Variants in PIK3CB observed in about 807,000 individuals in gnomAD.
PIK3CB encodes phosphatidylinositol 4,5-bisphosphate 3-kinase catalytic subunit beta isoform.
A neutral mutation model predicts 136.8 loss-of-function variants in PIK3CB; 39 were observed. The observed-to-expected ratio is 0.29, with a 90% CI of 0.22 to 0.37. PIK3CB has a LOEUF of 0.37. Ranked by LOEUF, PIK3CB falls within the 10% of genes least tolerant of loss-of-function variation. PIK3CB has a pLI of 1.00. For missense variants in PIK3CB, 868 were observed against 1,275.4 expected (o/e 0.68, Z 4.87); for synonymous variants, 428 against 436.6 (o/e 0.98, Z 0.25).
chr3:138,815,420 T>A (rs1576429447), intron 1 of PIK3CB, among the ~76,000 whole-genome samples: 1 of 100,226 alleles, frequency 1.0e-5, no homozygotes, highest in Admixed American at 1.3e-4. Flanking sequence ...TAATGCCTGG[T>A]GTTACAAAAG....
At chr3:138,738,323 C>G (rs1335550342) in intron 5 of PIK3CB, among the ~76,000 whole-genome samples, 1 of 152,050 alleles carries the variant, frequency 6.6e-6, no homozygotes, top group Non-Finnish European at 1.5e-5. Context: ...AGGCGTGCAC[C>G]ACCACGCCTG....
chr3:138,778,327 C>T (rs1246207161), intron 2 of PIK3CB: 2 of 342,660 alleles, frequency 5.8e-6, no homozygotes, highest in South Asian at 4.5e-5. Flanking sequence ...ACAACTTTGG[C>T]ATCATGGGAG....
intron 4 of PIK3CB, among the ~76,000 whole-genome samples, chr3:138,754,493 T>C (rs1376501137): frequency 2.6e-5 from 4 of 152,140 alleles, no homozygotes; most frequent in African/African-American, 9.7e-5. Context: ...CACACCTTTG[T>C]AGCTCTAGAA....
intron 1 of PIK3CB, among the ~76,000 whole-genome samples, chr3:138,804,460 A>T (rs1274983864): frequency 6.6e-6 from 1 of 152,128 alleles, no homozygotes; most frequent in African/African-American, 2.4e-5. Flanking sequence ...GGCTGCAGTG[A>T]GCCATGATCA....
At chr3:138,816,611 TAAATAAATAAATAAATATAA>T (rs911064740) in intron 1 of PIK3CB, among the ~76,000 whole-genome samples, 1 of 149,994 alleles carries the variant, frequency 6.7e-6, no homozygotes, top group Admixed American at 6.6e-5. Flanking sequence ...AATAAATAAA[TAAATAAATAAATAAATATAA>T]ATTAAAAAAT....
chr3:138,730,140 C>T (rs2044938977), intron 8 of PIK3CB, among the ~76,000 whole-genome samples: 2 of 152,114 alleles, frequency 1.3e-5, no homozygotes, highest in Non-Finnish European at 2.9e-5. Flanking sequence ...AAGAGAACTA[C>T]AGTGCTAGGT....
chr3:138,827,832 A>G (rs1933851597), intron 1 of PIK3CB, among the ~76,000 whole-genome samples: 1 of 151,644 alleles, frequency 6.6e-6, no homozygotes, highest in Non-Finnish European at 1.5e-5. Flanking sequence ...ATACAAAAAA[A>G]AAAAAAATTA....
chr3:138,795,022 A>T (rs866201084), intron 2 of PIK3CB, among the ~76,000 whole-genome samples: 1 of 151,196 alleles, frequency 6.6e-6, no homozygotes, highest in Admixed American at 6.6e-5. Context: ...CCATTTTCTT[A>T]AAAAAAAATT....
At chr3:138,789,735 C>A (rs2046027279) in intron 2 of PIK3CB, among the ~76,000 whole-genome samples, 1 of 151,542 alleles carries the variant, frequency 6.6e-6, no homozygotes, top group East Asian at 1.9e-4. Flanking sequence ...CTCTCTGTCG[C>A]CAGGCTGGAG....
chr3:138,815,122 AGAGC>A (rs1340857145), intron 1 of PIK3CB, among the ~76,000 whole-genome samples: 1 of 135,194 alleles, frequency 7.4e-6, no homozygotes, highest in Non-Finnish European at 1.5e-5. Flanking sequence ...CCTGGGCAAC[AGAGC>A]GAGACTCCGT....
At chr3:138,672,780 T>G (rs2043560542) in intron 19 of PIK3CB, among the ~76,000 whole-genome samples, 1 of 151,594 alleles carries the variant, frequency 6.6e-6, no homozygotes. Flanking sequence ...GGCGTGGTGG[T>G]GGGTTCCTGT....
At chr3:138,715,270 T>C (rs2108586247) in intron 8 of PIK3CB, among the ~76,000 whole-genome samples, 1 of 152,346 alleles carries the variant, frequency 6.6e-6, no homozygotes, top group East Asian at 1.9e-4. Context: ...TGTTTTTCCC[T>C]AAAGGCCTGG....
intron 1 of PIK3CB, chr3:138,825,655 C>T: frequency 1.6e-6 from 1 of 643,292 alleles, no homozygotes; most frequent in Non-Finnish European, 2.8e-6. Flanking sequence ...CATCCTACCA[C>T]TAACTCATCC....
At chr3:138,660,016 G>A (rs1577038465) in intron 21 of PIK3CB, among the ~76,000 whole-genome samples, 2 of 151,722 alleles carry the variant, frequency 1.3e-5, no homozygotes, top group South Asian at 4.2e-4. Flanking sequence ...TAGGCTGAGA[G>A]TATACCTCCC....
At chr3:138,799,951 T>C (rs1032157309) in intron 1 of PIK3CB, among the ~76,000 whole-genome samples, 8 of 152,100 alleles carry the variant, frequency 5.3e-5, no homozygotes, top group African/African-American at 1.9e-4. Context: ...AGTGCTGGGA[T>C]TACAGGCATA....
chr3:138,827,255 G>A (rs182271102), intron 1 of PIK3CB, among the ~76,000 whole-genome samples: 107 of 152,226 alleles, frequency 7.0e-4, no homozygotes, highest in African/African-American at 2.2e-3. Context: ...GATTCAGGAC[G>A]CAGTGAACAA....
intron 2 of PIK3CB, chr3:138,778,284 A>T: frequency 2.7e-6 from 1 of 372,310 alleles, no homozygotes; most frequent in Non-Finnish European, 5.3e-6. Flanking sequence ...TATACCACTA[A>T]CTGCTTAGCA....
chr3:138,671,836 T>C lies in PIK3CB; in HGVS notation c.2505-6633A>G, dbSNP rs361095. On this transcript the variant is annotated intron_variant, in intron 19 of 23. Coordinates refer to ENST00000674063, the MANE Select transcript of PIK3CB (RefSeq NM_006219.3). ...GTCCTGCCTCTGCATTCTTTCCCCATTGGCTGGGGTTGGGTTGTACAATCT... is the reference window on the plus strand; with the variant it reads ...GTCCTGCCTCTGCATTCTTTCCCCACTGGCTGGGGTTGGGTTGTACAATCT... 4.2e-3 allele frequency among the ~76,000 whole-genome samples: 637 copies of C among 152,322 alleles called. 12 individuals carry two copies. Among genetic ancestry groups the C allele is most frequent in the African/African-American group, 0.014 (597 of 41,572 alleles).
chr3:138,803,235 A>T (rs551758101), intron 1 of PIK3CB, among the ~76,000 whole-genome samples: 2 of 152,224 alleles, frequency 1.3e-5, no homozygotes, highest in African/African-American at 4.8e-5. Flanking sequence ...TTGGGAAGGG[A>T]GGTGGTGTCA....
Sources: allele counts gnomAD v4.1 joint callset (sites outside exome capture counted in the v4.1 genomes callset), GRCh38; gene constraint gnomAD v4.1.1; transcripts MANE v1.5; gene names NCBI Gene and HGNC (gene_info 2026-07-23, HGNC 2026-07-21).